The following PRKDC variants were observed in gnomAD, a reference collection of about 807,000 sequenced individuals.
PRKDC encodes the protein DNA-dependent protein kinase catalytic subunit.
A neutral mutation model predicts 486.9 loss-of-function variants in PRKDC; 82 were observed. The ratio of observed to expected loss-of-function variants is 0.17; its 90% CI spans 0.14 to 0.20. PRKDC has a LOEUF of 0.20. PRKDC is among the 10% of genes least tolerant of loss of function. The pLI is 1.00. For missense variants in PRKDC, 4,504 were observed against 5,038.2 expected (o/e 0.89, Z 3.21); for synonymous variants, 1,895 against 1,837.0 (o/e 1.03, Z -0.81).
chr8:47,803,083 AGGCTGAAAT>A (rs2087142973), intron 70 of PRKDC, among the ~76,000 whole-genome samples: 2 of 152,174 alleles, frequency 1.3e-5, no homozygotes, highest in Non-Finnish European at 2.9e-5. Flanking sequence ...CACTGCGCCC[AGGCTGAAAT>A]GGCTTTTCAT....
At chr8:47,955,375 T>C (rs1589819145) in intron 4 of PRKDC, among the ~76,000 whole-genome samples, 1 of 132,224 alleles carries the variant, frequency 7.6e-6, no homozygotes, top group Non-Finnish European at 1.5e-5. Context: ...GGCAGGAGAA[T>C]GGCGTGAACC....
At chr8:47,783,083 G>C (rs1223357020) in intron 78 of PRKDC, 1 of 166,498 alleles carries the variant, frequency 6.0e-6, no homozygotes, top group African/African-American at 2.4e-5. Context: ...TTCGAGACCA[G>C]TCTGGCCAAC....
chr8:47,905,033 G>T, intron 25 of PRKDC, 57 bp from the exon 26 acceptor site: 2 of 1,263,180 alleles, frequency 1.6e-6, no homozygotes, highest in Non-Finnish European at 2.3e-6. Flanking sequence ...ATGTTACGCT[G>T]TAAAGGGTTC....
chr8:47,894,033 C>A (rs1315532757), intron 30 of PRKDC, among the ~76,000 whole-genome samples: 2 of 152,094 alleles, frequency 1.3e-5, no homozygotes, highest in African/African-American at 4.8e-5. Flanking sequence ...GTAATCCCAG[C>A]ACTTTGGGGG....
intron 10 of PRKDC, among the ~76,000 whole-genome samples, chr8:47,942,694 T>C (rs1046967549): frequency 1.3e-5 from 2 of 152,190 alleles, no homozygotes. Flanking sequence ...ACCCAGGACA[T>C]CCTGGAGACC....
chr8:47,792,426 T>A (rs749504473), intron 74 of PRKDC, among the ~76,000 whole-genome samples: 26 of 151,834 alleles, frequency 1.7e-4, no homozygotes, highest in African/African-American at 6.3e-4. Flanking sequence ...GCCCGGCTAA[T>A]TTTTTGTATT....
At chr8:47,803,775 C>A (rs1034661818) in intron 69 of PRKDC, among the ~76,000 whole-genome samples, 1 of 152,032 alleles carries the variant, frequency 6.6e-6, no homozygotes, top group South Asian at 2.1e-4. Context: ...CATGGTAAGA[C>A]CCCGTCTCTA....
chr8:47,954,101 A>G (rs761633074), intron 5 of PRKDC, among the ~76,000 whole-genome samples, 182 bp from the exon 6 acceptor site: 6 of 152,196 alleles, frequency 3.9e-5, no homozygotes, highest in Non-Finnish European at 5.9e-5. Flanking sequence ...TGTATTAATC[A>G]TATTTGTCAT....
In PRKDC at chr8:47,888,749, A is replaced by C. The variant is rs148611460; in HGVS notation, c.4281-99T>G. The C allele has an allele frequency of 2.1e-3, 2,972 of 1,411,580 alleles. 6 individuals are homozygous for C. Among genetic ancestry groups the C allele is most frequent in the Middle Eastern group, 3.3e-3 (15 of 4,566 alleles). The allele number at this position is 1,411,580 out of a possible 1,614,324, so 87.4% of individuals were successfully genotyped here. On this transcript the variant is annotated intron_variant, in intron 33 of 85. Coordinates refer to ENST00000314191, the MANE Select transcript of PRKDC (RefSeq NM_006904.7). ...GTTTGCACTGTTATGAAGCAAACAGAGGCAACATCTAACAGGATCCACACG... is the reference window on the plus strand; with the variant it reads ...GTTTGCACTGTTATGAAGCAAACAGCGGCAACATCTAACAGGATCCACACG...
chr8:47,892,326 T>C (rs2089478866), intron 31 of PRKDC, among the ~76,000 whole-genome samples: 1 of 152,166 alleles, frequency 6.6e-6, no homozygotes, highest in Admixed American at 6.5e-5. Flanking sequence ...AATATAATAG[T>C]AACACAGAAG....
Position 47,889,226 on chromosome 8 carries a change from T to TA in PRKDC, c.4072-5dup, listed in dbSNP as rs2089403346. 6.3e-7 allele frequency: 1 copy of TA among 1,590,308 alleles called. No homozygotes were observed. The highest frequency in any genetic ancestry group is 1.3e-5 in the African/African-American group (1 of 74,148). ...TACACAAGTCCTTCTTCAGGAGCTG[T>TA]AACAGATTGTTTGATAAAAACACTT... On this transcript the variant is annotated splice_region_variant and splice_polypyrimidine_tract_variant and intron_variant, in intron 32 of 85. Coordinates refer to ENST00000314191, the MANE Select transcript of PRKDC (RefSeq NM_006904.7).
intron 85 of PRKDC, among the ~76,000 whole-genome samples, chr8:47,775,822 C>CTTT (rs377519551): frequency 2.9e-5 from 4 of 138,616 alleles, no homozygotes; most frequent in African/African-American, 5.3e-5. Context: ...ACTCCTATTC[C>CTTT]TTTTTTTTTT....
At chr8:47,916,461 G>A (rs572857763) in intron 22 of PRKDC, among the ~76,000 whole-genome samples, 2 of 152,082 alleles carry the variant, frequency 1.3e-5, no homozygotes, top group Admixed American at 1.3e-4. Context: ...TTTAAGTAAT[G>A]AGAAGCTATC....
chr8:47,828,407 C>A, intron 61 of PRKDC, 60 bp from the exon 62 acceptor site: 1 of 1,354,540 alleles, frequency 7.4e-7, no homozygotes, highest in Non-Finnish European at 1.0e-6. Flanking sequence ...TATAAATCAC[C>A]AATACTATCA....
At chr8:47,944,685 C>T (rs2090501620) in intron 7 of PRKDC, among the ~76,000 whole-genome samples, 1 of 152,180 alleles carries the variant, frequency 6.6e-6, no homozygotes. Context: ...TCTCCCACCA[C>T]ATTATTCATT....
chr8:47,911,855 C>T (rs1180360271), intron 25 of PRKDC, among the ~76,000 whole-genome samples: 1 of 151,992 alleles, frequency 6.6e-6, no homozygotes. Context: ...CTGCAATCTC[C>T]ACCTCCTGGG....
rs189885909 is a variant in PRKDC, at chr8:47,785,316, G to A, written c.10904C>T (p.Thr3635Ile). 9 of 1,569,318 alleles carry A rather than the reference G, an allele frequency of 5.7e-6. No individual in the cohort carries two copies. In the African/African-American group the frequency reaches 1.1e-4, roughly 19 times the overall value. ...ATGTTTATCAAATTCTTTTCCAAAAGTCTGAAATTAGTAAGAATTTACTAT... is the reference window on the plus strand; with the variant it reads ...ATGTTTATCAAATTCTTTTCCAAAAATCTGAAATTAGTAAGAATTTACTAT... ...LGAFRRKFIQ[T>I]FGKEFDKHFG... Residue 3635 changes from threonine to isoleucine, a missense_variant and splice_region_variant, in exon 77 of 86, where the codon ACT becomes ATT. By Grantham distance (89) the Thr-to-Ile change is moderately conservative. Coordinates refer to ENST00000314191, the MANE Select transcript of PRKDC (RefSeq NM_006904.7).
At chr8:47,797,745 A>G (rs2154498123) in intron 73 of PRKDC, among the ~76,000 whole-genome samples, 1 of 152,340 alleles carries the variant, frequency 6.6e-6, no homozygotes, top group Non-Finnish European at 1.5e-5. Context: ...GTCACATGGA[A>G]GGGTGCGGGT....
Position 47,889,270 on chromosome 8 carries a change from T to G in PRKDC, c.4072-48A>C, listed in dbSNP as rs746640146. 3.3e-6 allele frequency: 5 copies of G among 1,497,708 alleles called. No individual in the cohort carries two copies. The African/African-American group carries it at 5.5e-5, about 17-fold the overall frequency. The allele number at this position is 1,497,708 out of a possible 1,614,324, so 92.8% of individuals were successfully genotyped here. On this transcript the variant is annotated intron_variant, in intron 32 of 85. Transcript: ENST00000314191. Reference sequence around the variant, plus strand: ...AACACTTCGTCAGCCAGCACTTCTATTTTCACCAAAGTGCAGGGCCCACAA... The same window carrying G: ...AACACTTCGTCAGCCAGCACTTCTAGTTTCACCAAAGTGCAGGGCCCACAA...
Sources: gnomAD v4.1 joint callset for allele counts (sites outside exome capture counted in the v4.1 genomes callset) on GRCh38, gnomAD v4.1.1 for gene constraint, MANE v1.5 for transcripts, NCBI Gene and HGNC (gene_info 2026-07-23, HGNC 2026-07-21) for gene names.